BRI3BP: variants seen among roughly 807,000 people sequenced by gnomAD.
BRI3BP encodes BRI3-binding protein.
BRI3BP carries 7 observed loss-of-function variants against 15.8 expected under a neutral mutation model. The observed-to-expected ratio is 0.44, with a 90% CI of 0.25 to 0.83. The LOEUF is 0.83. Ranked by LOEUF, BRI3BP falls within the 40% of genes least tolerant of loss-of-function variation. BRI3BP has a pLI of 0.20. For missense variants in BRI3BP, 320 were observed against 339.3 expected (o/e 0.94, Z 0.45); for synonymous variants, 192 against 163.5 (o/e 1.17, Z -1.33).
At chr12:125,008,979 A>T (rs1200934210) in intron 1 of BRI3BP, among the ~76,000 whole-genome samples, 4 of 145,346 alleles carry the variant, frequency 2.8e-5, no homozygotes, top group Non-Finnish European at 6.1e-5. Context: ...TCCTATGAAA[A>T]TTTTTTTTTT....
intron 1 of BRI3BP, among the ~76,000 whole-genome samples, chr12:124,995,181 G>T (rs1260951998): frequency 6.6e-6 from 1 of 152,188 alleles, no homozygotes; most frequent in Non-Finnish European, 1.5e-5. Context: ...TGTGGGCAGG[G>T]GCACCTCTTG....
intron 1 of BRI3BP, among the ~76,000 whole-genome samples, chr12:124,995,923 G>GT (rs995841231): frequency 9.2e-5 from 14 of 151,956 alleles, no homozygotes; most frequent in Admixed American, 8.5e-4. Context: ...TTTCCTTTTT[G>GT]TTTTTTTGAG....
chr12:124,998,982 T>C (rs540702018), intron 1 of BRI3BP, among the ~76,000 whole-genome samples: 38 of 152,094 alleles, frequency 2.5e-4, no homozygotes, highest in African/African-American at 7.0e-4. Flanking sequence ...GGAGGTTGCA[T>C]AGGGAGGATC....
chr12:125,012,871 A>G (rs1285910175), intron 2 of BRI3BP, among the ~76,000 whole-genome samples: 3 of 152,124 alleles, frequency 2.0e-5, no homozygotes, highest in Non-Finnish European at 4.4e-5. Flanking sequence ...TGAACCCAAG[A>G]ATTCAAGACC....
intron 2 of BRI3BP, among the ~76,000 whole-genome samples, chr12:125,013,529 C>T (rs1355551608): frequency 4.6e-5 from 7 of 152,230 alleles, no homozygotes; most frequent in Admixed American, 4.6e-4. Context: ...TTTCCAAAGT[C>T]GTGTGTGTAT....
the BRI3BP span, among the ~76,000 whole-genome samples, chr12:125,049,125 C>G: frequency 1.3e-5 from 2 of 152,066 alleles, no homozygotes; most frequent in African/African-American, 4.8e-5. Flanking sequence ...CCACGCCTGG[C>G]TAATTTTTTG....
rs144071595 is a variant in BRI3BP, at chr12:125,017,430, C to T, written c.316+4794C>T. 4.2e-3 allele frequency among the ~76,000 whole-genome samples: 632 copies of T among 152,246 alleles called. 2 individuals carry two copies. Among genetic ancestry groups the T allele is most frequent in the African/African-American group, 0.015 (610 of 41,562 alleles). The stretch of plus-strand genomic sequence containing the variant: ...TTGGCCTCCCAGAGTGCTGGGATTA[C>T]AGGCATGTGCCACCATGCCCAGGTG... On this transcript the variant is annotated intron_variant, in intron 2 of 2. Transcript: ENST00000341446.
downstream of BRI3BP, among the ~76,000 whole-genome samples, chr12:125,032,436 C>A (rs1456940985): frequency 1.3e-5 from 2 of 149,332 alleles, no homozygotes; most frequent in Non-Finnish European, 3.0e-5. Flanking sequence ...CCAGCCTGGG[C>A]GACAGAGTGA....
At chr12:125,047,998 A>C in the BRI3BP span, among the ~76,000 whole-genome samples, 1 of 141,520 alleles carries the variant, frequency 7.1e-6, no homozygotes, top group Non-Finnish European at 1.5e-5. Context: ...TGCCCGGCCT[A>C]CTTTTTTTCT....
At chr12:125,002,456 G>T (rs146463708) in intron 1 of BRI3BP, among the ~76,000 whole-genome samples, 3,634 of 131,040 alleles carry the variant, frequency 0.028, 102 homozygotes, top group African/African-American at 0.07. Context: ...TTTTTTTTTT[G>T]TTTTGTTTTT....
chr12:125,022,541 A>ATTTATTTATTTATTTATT, intron 2 of BRI3BP, among the ~76,000 whole-genome samples: 10 of 139,404 alleles, frequency 7.2e-5, no homozygotes, highest in African/African-American at 2.9e-4. Flanking sequence ...TTATTTATTT[A>ATTTATTTATTTATTTATT]TTTTTTGAGA....
chr12:125,050,889 TC>T, the BRI3BP span, among the ~76,000 whole-genome samples: 20 of 152,202 alleles, frequency 1.3e-4, no homozygotes, highest in Non-Finnish European at 2.8e-4. Context: ...TTTCTTTGCA[TC>T]TTATTACAAC....
At chr12:125,017,760 T>G (rs1202733640) in intron 2 of BRI3BP, among the ~76,000 whole-genome samples, 1 of 152,212 alleles carries the variant, frequency 6.6e-6, no homozygotes, top group Non-Finnish European at 1.5e-5. Context: ...CTTACCCCTC[T>G]GAAGCTGCTG....
chr12:125,042,737 G>A, the BRI3BP span, among the ~76,000 whole-genome samples: 1 of 151,962 alleles, frequency 6.6e-6, no homozygotes, highest in Non-Finnish European at 1.5e-5. Flanking sequence ...GGGTTTCACC[G>A]TGTTGGCCAG....
chr12:125,019,400 C>T (rs1955273827), intron 2 of BRI3BP, among the ~76,000 whole-genome samples: 1 of 151,890 alleles, frequency 6.6e-6, no homozygotes, highest in Non-Finnish European at 1.5e-5. Context: ...ACTATCTTGG[C>T]CCCTTGATGA....
chr12:125,036,116 G>A (rs1470950940), downstream of BRI3BP, among the ~76,000 whole-genome samples: 1 of 152,078 alleles, frequency 6.6e-6, no homozygotes, highest in Non-Finnish European at 1.5e-5. Flanking sequence ...CAAGGCTGCA[G>A]TGCAATGGCG....
At chr12:125,012,250 A>G (rs1221209902) in intron 1 of BRI3BP, among the ~76,000 whole-genome samples, 1 of 152,188 alleles carries the variant, frequency 6.6e-6, no homozygotes, top group Non-Finnish European at 1.5e-5. Flanking sequence ...CAGCAGGAGC[A>G]ATGGCAAGCG....
chr12:125,028,462 G>A lies in BRI3BP; in HGVS notation c.*3032G>A, dbSNP rs567496656. ...GGGTGCTGGTGGATTGAGACCTCAA[G>A]CATCAATTCAAAATTGCTGTCGAAA... On this transcript the variant is annotated 3_prime_UTR_variant, in exon 3 of 3. Coordinates refer to ENST00000341446, the MANE Select transcript of BRI3BP (RefSeq NM_080626.6). The A allele has an allele frequency of 1.5e-4, 23 of 152,166 alleles. No homozygotes were observed. Among genetic ancestry groups the A allele is most frequent in the Non-Finnish European group, 2.6e-4 (18 of 68,026 alleles). The allele number at this position is 152,166 out of a possible 1,614,324, so 9.4% of individuals were successfully genotyped here.
chr12:125,039,946 G>A, the BRI3BP span, among the ~76,000 whole-genome samples: 4 of 152,188 alleles, frequency 2.6e-5, no homozygotes, highest in Non-Finnish European at 5.9e-5. Flanking sequence ...CTTCTCTTTA[G>A]CTACATATCA....
Sources: gnomAD v4.1 joint callset for allele counts (sites outside exome capture counted in the v4.1 genomes callset) on GRCh38, gnomAD v4.1.1 for gene constraint, MANE v1.5 for transcripts, NCBI Gene and HGNC (gene_info 2026-07-23, HGNC 2026-07-21) for gene names.